PRPSAP1: variants seen among roughly 807,000 people sequenced by gnomAD.
PRPSAP1 encodes the protein phosphoribosyl pyrophosphate synthetase associated protein 1, also known as phosphoribosyl pyrophosphate synthase-associated protein 1.
Under a neutral mutation model 39.4 loss-of-function variants are expected in PRPSAP1, and 31 were observed. The ratio of observed to expected loss-of-function variants is 0.79; its 90% CI spans 0.59 to 1.06. The LOEUF is 1.06. PRPSAP1 is among the 50% of genes least tolerant of loss of function. The pLI, the probability that PRPSAP1 is intolerant of heterozygous loss-of-function variation, is 0.00. For missense variants in PRPSAP1, 430 were observed against 511.6 expected, an observed-to-expected ratio of 0.84 and a Z score of 1.54; for synonymous variants, 212 against 192.6, an observed-to-expected ratio of 1.10 and a Z score of -0.83.
At chr17:76,341,137 C>T (rs2071432750) in intron 3 of PRPSAP1, among the ~76,000 whole-genome samples, 1 of 151,960 alleles carries the variant, frequency 6.6e-6, no homozygotes, top group African/African-American at 2.4e-5. Context: ...TCTGATCATG[C>T]ACCAACTCAG....
At chr17:76,330,202 C>T in intron 5 of PRPSAP1, 104 bp from the exon 6 acceptor site, 1 of 978,730 alleles carries the variant, frequency 1.0e-6, no homozygotes, top group Non-Finnish European at 1.5e-6. Flanking sequence ...AACTAGTCAT[C>T]AAATATGCTA....
At chr17:76,314,134 GAAATT>G in intron 7 of PRPSAP1, 4 of 519,754 alleles carry the variant, frequency 7.7e-6, no homozygotes, top group Non-Finnish European at 1.4e-5. Context: ...AAAAACAGAT[GAAATT>G]AATACATTTT....
rs2071093437 is a variant in PRPSAP1 at position 76,313,836 on chromosome 17, G to A, written c.837C>T (p.Arg279=). 2 of 1,614,182 alleles carry A rather than the reference G, an allele frequency of 1.2e-6. No individual in the cohort carries two copies. Among genetic ancestry groups the A allele is most frequent in the Non-Finnish European group, 1.7e-6 (2 of 1,180,030 alleles). ...ATAACCATACCACGATGATTGCGAT[G>A]CGGCCTCCAACATCTCCAACTACAG... ...PITVVGDVGG[R]IAIIVDDIID... is the part of the protein sequence containing the mutation. Residue 279 remains arginine (R), a synonymous_variant, in exon 8 of 10, where the codon CGC becomes CGT. Coordinates refer to ENST00000446526, the MANE Select transcript of PRPSAP1 (RefSeq NM_002766.3).
chr17:76,349,788 T>C (rs2143554420), intron 1 of PRPSAP1, among the ~76,000 whole-genome samples: 1 of 151,284 alleles, frequency 6.6e-6, no homozygotes, highest in Middle Eastern at 3.5e-3. Context: ...AAAAATAAAA[T>C]TAACATCTCC....
Position 76,344,696 on chromosome 17 carries a change from T to C in PRPSAP1, c.265A>G (p.Ile89Val). Residue 89 changes from isoleucine (I) to valine (V), a missense_variant, in exon 3 of 10, where the codon ATT (isoleucine) becomes GTT (valine). Transcript: ENST00000446526. ...EIKESVRGQDIFIIQTIPRDV... is the reference protein window; with the variant it reads ...EIKESVRGQDVFIIQTIPRDV... ...CTGGGTATTGTCTGTATAATGAAAA[T>C]ATCTTGGCCACGAACAGATTCTTTT... The C allele has an allele frequency of 6.3e-7, 1 of 1,581,980 alleles. No individual in the cohort carries two copies. The highest frequency in any genetic ancestry group is 8.6e-7 in the Non-Finnish European group (1 of 1,159,090).
rs549097698 is a variant in PRPSAP1 at position 76,311,711 on chromosome 17, A to C, written c.1000-11T>G. On this transcript the variant is annotated splice_polypyrimidine_tract_variant and intron_variant, in intron 9 of 9. Coordinates refer to ENST00000446526, the MANE Select transcript of PRPSAP1 (RefSeq NM_002766.3). ...ATTCGTCACCACCACCTAGTCACACAGTGATGGAAAACAAACGCTGTTACT... is the reference window on the plus strand; with the variant it reads ...ATTCGTCACCACCACCTAGTCACACCGTGATGGAAAACAAACGCTGTTACT... 10 of 1,609,904 alleles carry C rather than the reference A, an allele frequency of 6.2e-6. No homozygotes were observed. In the East Asian group the frequency reaches 6.7e-5, roughly 11 times the overall value.
At chr17:76,329,922 G>A in intron 6 of PRPSAP1, 121 bp downstream of exon 6, 2 of 858,454 alleles carry the variant, frequency 2.3e-6, no homozygotes, top group South Asian at 3.0e-5. Context: ...CGATGGAGGG[G>A]TTAACATGAG....
intron 2 of PRPSAP1, among the ~76,000 whole-genome samples, chr17:76,346,241 T>C (rs979139264): frequency 6.6e-6 from 1 of 152,234 alleles, no homozygotes; most frequent in Non-Finnish European, 1.5e-5. Flanking sequence ...ATTGTTGTTC[T>C]GGGGAAAGGA....
chr17:76,325,566 C>T (rs2071247326), intron 7 of PRPSAP1, among the ~76,000 whole-genome samples: 2 of 150,648 alleles, frequency 1.3e-5, no homozygotes, highest in Non-Finnish European at 2.9e-5. Flanking sequence ...CAAGACCCTC[C>T]ACCAACAAGA....
At chr17:76,313,188 C>T (rs752050682) in intron 8 of PRPSAP1, 172 bp from the exon 9 acceptor site, 95 of 727,760 alleles carry the variant, frequency 1.3e-4, no homozygotes, top group Non-Finnish European at 1.8e-4. Context: ...AACAGAAGCA[C>T]CTGACAGTAC....
intron 1 of PRPSAP1, among the ~76,000 whole-genome samples, chr17:76,350,642 T>A (rs1241011204): frequency 6.6e-6 from 1 of 152,148 alleles, no homozygotes; most frequent in Non-Finnish European, 1.5e-5. Flanking sequence ...ACAGAGTTTC[T>A]GTTTGGGATG....
chr17:76,328,624 C>T, intron 7 of PRPSAP1, 93 bp downstream of exon 7: 4 of 1,487,904 alleles, frequency 2.7e-6, no homozygotes, highest in Non-Finnish European at 3.6e-6. Flanking sequence ...CAAAACAAAA[C>T]AAAACAAAAC....
chr17:76,324,683 C>T (rs995837256), intron 7 of PRPSAP1, among the ~76,000 whole-genome samples: 2 of 152,046 alleles, frequency 1.3e-5, no homozygotes, highest in South Asian at 4.1e-4. Context: ...ACGAGGCAAA[C>T]TTCGTTGTTT....
In PRPSAP1 at chr17:76,330,560, G is replaced by A. The variant is rs1260138992; in HGVS notation, c.570C>T (p.Ile190=). 6 of 1,599,342 alleles carry A rather than the reference G, an allele frequency of 3.8e-6. No individual in the cohort carries two copies. The highest frequency in any genetic ancestry group is 3.3e-5 in the South Asian group (3 of 90,280). The change falls in exon 5 of 10, where the codon ATC becomes ATT. Residue 190 remains isoleucine (I), a synonymous_variant. Transcript: ENST00000446526. ...LRASPFLLQY[I]QEEIPNYRNA... is the part of the protein sequence containing the mutation. ...GCTGGTGGTTCCTCACTTCTTCCTGGATATACTGAAGCAGGAAAGGTGAGG... is the reference window on the plus strand; with the variant it reads ...GCTGGTGGTTCCTCACTTCTTCCTGAATATACTGAAGCAGGAAAGGTGAGG...
At chr17:76,329,038 G>A (rs1381521986) in intron 6 of PRPSAP1, 176 bp from the exon 7 acceptor site, 13 of 702,246 alleles carry the variant, frequency 1.9e-5, no homozygotes, top group East Asian at 1.2e-4. Flanking sequence ...CAAAGGGCAC[G>A]TGAGTTAGGG....
At chr17:76,347,343 C>T (rs1386872962) in intron 2 of PRPSAP1, among the ~76,000 whole-genome samples, 4 of 151,882 alleles carry the variant, frequency 2.6e-5, no homozygotes, top group East Asian at 1.9e-4. Flanking sequence ...CAAAATTAGC[C>T]GGGTTTGGTG....
At chr17:76,320,315 G>A (rs1416781956) in intron 7 of PRPSAP1, among the ~76,000 whole-genome samples, 34 of 116,376 alleles carry the variant, frequency 2.9e-4, no homozygotes, top group Non-Finnish European at 4.9e-4. Context: ...AAGGAAGGGA[G>A]GAAGGGAAGA....
At chr17:76,330,219 T>C (rs2071305957) in intron 5 of PRPSAP1, 121 bp from the exon 6 acceptor site, 2 of 845,048 alleles carry the variant, frequency 2.4e-6, no homozygotes, top group Non-Finnish European at 1.8e-6. Context: ...GCTAGAATTT[T>C]AGTCACAAGT....
chr17:76,315,700 CTTT>C (rs71161279), intron 7 of PRPSAP1, among the ~76,000 whole-genome samples: 15 of 72,636 alleles, frequency 2.1e-4, no homozygotes, highest in African/African-American at 9.0e-4. Flanking sequence ...GACCTATCCG[CTTT>C]TTTTTTTTTT....
Sources: allele counts gnomAD v4.1 joint callset (sites outside exome capture counted in the v4.1 genomes callset), GRCh38; gene constraint gnomAD v4.1.1; transcripts MANE v1.5; gene names NCBI Gene and HGNC (gene_info 2026-07-23, HGNC 2026-07-21).